SCN8A: variants seen among roughly 807,000 people sequenced by gnomAD.
SCN8A encodes sodium channel protein type 8 subunit alpha.
A neutral mutation model predicts 184.1 loss-of-function variants in SCN8A; 30 were observed. The ratio of observed to expected loss-of-function variants is 0.16; its 90% CI spans 0.12 to 0.22. SCN8A has a LOEUF of 0.22. Among genes scored for constraint, SCN8A ranks in the 10% least tolerant of loss-of-function variants. The pLI is 1.00. For missense variants in SCN8A, 1,057 were observed against 2,498.9 expected (o/e 0.42, Z 12.30); for synonymous variants, 852 against 907.0 (o/e 0.94, Z 1.09).
chr12:51,664,767 C>T (rs1305296782), intron 2 of SCN8A, among the ~76,000 whole-genome samples: 4 of 151,862 alleles, frequency 2.6e-5, no homozygotes, highest in Admixed American at 2.0e-4. Flanking sequence ...GCAGGATGTG[C>T]AGGTTTGTTA....
chr12:51,649,636 C>G (rs936499412), intron 1 of SCN8A, among the ~76,000 whole-genome samples: 1 of 152,206 alleles, frequency 6.6e-6, no homozygotes, highest in African/African-American at 2.4e-5. Flanking sequence ...TGGCCCCTCT[C>G]AGCCACAGAT....
chr12:51,684,408 TA>T, intron 3 of SCN8A, 116 bp downstream of exon 3: 1 of 695,724 alleles, frequency 1.4e-6, no homozygotes, highest in Non-Finnish European at 2.6e-6. Flanking sequence ...TGTAGTTAAC[TA>T]GCCCATCAGT....
At chr12:51,622,771 G>A (rs1028400804) in intron 1 of SCN8A, among the ~76,000 whole-genome samples, 3 of 152,088 alleles carry the variant, frequency 2.0e-5, no homozygotes, top group Non-Finnish European at 2.9e-5. Context: ...TCCAGCCCAC[G>A]CTTGGGGGAG....
intron 12 of SCN8A, among the ~76,000 whole-genome samples, chr12:51,736,889 G>A (rs1942334660): frequency 6.6e-6 from 1 of 152,192 alleles, no homozygotes; most frequent in Non-Finnish European, 1.5e-5. Context: ...GAAGTATAGG[G>A]CGTCTGAAAA....
chr12:51,647,786 G>A (rs1940623730), intron 1 of SCN8A, among the ~76,000 whole-genome samples: 1 of 152,180 alleles, frequency 6.6e-6, no homozygotes, highest in Non-Finnish European at 1.5e-5. Context: ...GGAGCCCAGG[G>A]AGTGGGGACA....
intron 1 of SCN8A, among the ~76,000 whole-genome samples, chr12:51,651,667 G>A (rs1474910903): frequency 6.6e-6 from 1 of 152,338 alleles, no homozygotes; most frequent in Admixed American, 6.5e-5. Context: ...TTCCCACAAC[G>A]TGGGAATTAT....
chr12:51,727,300 A>T (rs1212247250), intron 12 of SCN8A, among the ~76,000 whole-genome samples: 1 of 152,054 alleles, frequency 6.6e-6, no homozygotes, highest in African/African-American at 2.4e-5. Flanking sequence ...GGCTTCTTAC[A>T]GGTTGAATTA....
At chr12:51,650,048 A>G (rs150965512) in intron 1 of SCN8A, among the ~76,000 whole-genome samples, 1,603 of 152,228 alleles carry the variant, frequency 0.011, 14 homozygotes, top group Non-Finnish European at 0.016. Context: ...CTCAAGTTCA[A>G]AGTTCCACAG....
chr12:51,745,853 C>T (rs1053027084), intron 12 of SCN8A, 50 bp from the exon 13 acceptor site: 20 of 1,462,052 alleles, frequency 1.4e-5, no homozygotes, highest in Non-Finnish European at 1.7e-5. Context: ...CCAGATTTAC[C>T]TTTATAGACT....
intron 2 of SCN8A, among the ~76,000 whole-genome samples, chr12:51,669,812 A>G (rs552311671): frequency 1.3e-5 from 2 of 152,296 alleles, no homozygotes; most frequent in African/African-American, 4.8e-5. Context: ...ACGCAGCCCT[A>G]TATGAGCTCC....
At chr12:51,743,104 A>T (rs1942454339) in intron 12 of SCN8A, among the ~76,000 whole-genome samples, 1 of 151,938 alleles carries the variant, frequency 6.6e-6, no homozygotes, top group South Asian at 2.1e-4. Flanking sequence ...AGAATGCTGA[A>T]TTCCTTCTCT....
At chr12:51,615,946 G>A (rs1381544635) in intron 1 of SCN8A, among the ~76,000 whole-genome samples, 2 of 151,988 alleles carry the variant, frequency 1.3e-5, no homozygotes, top group African/African-American at 4.8e-5. Context: ...TGCCCAGGCT[G>A]GTCTTAAACT....
intron 1 of SCN8A, among the ~76,000 whole-genome samples, chr12:51,601,722 C>G (rs192093641): frequency 6.7e-6 from 1 of 149,168 alleles, no homozygotes; most frequent in African/African-American, 2.6e-5. Flanking sequence ...TCTTTCACCT[C>G]GCACTTCTCC....
intron 10 of SCN8A, 115 bp from the exon 11 acceptor site, chr12:51,706,307 C>A: frequency 9.7e-7 from 1 of 1,026,712 alleles, no homozygotes; most frequent in Non-Finnish European, 1.4e-6. Context: ...GGTTTCCTGC[C>A]TCCTTTTTTC....
intron 13 of SCN8A, among the ~76,000 whole-genome samples, chr12:51,747,089 A>ATGTG (rs60490453): frequency 0.015 from 1,184 of 81,232 alleles, 6 homozygotes; most frequent in Middle Eastern, 0.092. Context: ...CTCTGTGTGT[A>ATGTG]TGTGTGTGTG....
chr12:51,811,215 G>C lies in SCN8A; in HGVS notation c.*3786G>C, dbSNP rs1319214141. ...TTTGGGGAAAGGAGGGGAATAGAGG[G>C]AAGAGAAATCAAAGGGGCTCTCGCA... On this transcript the variant is annotated 3_prime_UTR_variant, in exon 27 of 27. Coordinates refer to ENST00000627620, the MANE Select transcript of SCN8A (RefSeq NM_001330260.2). 2 of 152,144 alleles carry C rather than the reference G, an allele frequency of 1.3e-5. No individual in the cohort carries two copies. Among genetic ancestry groups the C allele is most frequent in the African/African-American group, 4.8e-5 (2 of 41,404 alleles). The allele number at this position is 152,144 out of a possible 1,614,324, so 9.4% of individuals were successfully genotyped here. A position where few individuals can be genotyped will look rare whatever the true frequency, so the allele number is the denominator to read the frequency against.
chr12:51,765,295 T>C (rs1037576321), intron 15 of SCN8A, among the ~76,000 whole-genome samples: 2 of 152,174 alleles, frequency 1.3e-5, no homozygotes, highest in African/African-American at 4.8e-5. Flanking sequence ...TACTAGTCTT[T>C]TGGTTTCCTA....
intron 1 of SCN8A, among the ~76,000 whole-genome samples, chr12:51,592,923 GA>G (rs1473503408): frequency 6.6e-6 from 1 of 152,030 alleles, no homozygotes; most frequent in East Asian, 1.9e-4. Context: ...AGAAGATGTG[GA>G]GGGGGGGATG....
intron 2 of SCN8A, among the ~76,000 whole-genome samples, chr12:51,678,776 T>C (rs1941270341): frequency 6.6e-6 from 1 of 152,206 alleles, no homozygotes; most frequent in African/African-American, 2.4e-5. Context: ...ACTGTGTTTT[T>C]TAAAAAGCTA....
Sources: gnomAD v4.1 joint callset for allele counts (sites outside exome capture counted in the v4.1 genomes callset) on GRCh38, gnomAD v4.1.1 for gene constraint, MANE v1.5 for transcripts, NCBI Gene and HGNC (gene_info 2026-07-23, HGNC 2026-07-21) for gene names.